DHCR24: variants seen among roughly 807,000 people sequenced by gnomAD.
The protein encoded by DHCR24 is delta(24)-sterol reductase.
In DHCR24, 28 loss-of-function variants were observed where a neutral mutation model predicts 61.2. The ratio of observed to expected loss-of-function variants is 0.46; its 90% CI spans 0.34 to 0.63. DHCR24 has a LOEUF of 0.63. DHCR24 is among the 20% of genes least tolerant of loss of function. The probability of loss-of-function intolerance (pLI) is 0.01; values close to 1 mark genes in which losing one functional copy is unlikely to be tolerated. For missense variants in DHCR24, 538 were observed against 679.1 expected, an observed-to-expected ratio of 0.79 and a Z score of 2.31; for synonymous variants, 261 against 275.9, an observed-to-expected ratio of 0.95 and a Z score of 0.54.
In DHCR24 at chr1:54,875,314, G is replaced by A. The variant is rs1164756612; in HGVS notation, c.494-103C>T. 4.1e-6 allele frequency: 4 copies of A among 982,768 alleles called. No homozygotes were observed. The African/African-American group carries it at 4.8e-5, about 12-fold the overall frequency. The allele number at this position is 982,768 out of a possible 1,614,324, so 60.9% of individuals were successfully genotyped here. A position where few individuals can be genotyped will look rare whatever the true frequency, so the allele number is the denominator to read the frequency against. Reference sequence around the variant, plus strand: ...TCCTAGCATGAGGGAGGTTTGGCAGGCTAGCAGAAATGGGGCTGTTGACTT... The same window carrying A: ...TCCTAGCATGAGGGAGGTTTGGCAGACTAGCAGAAATGGGGCTGTTGACTT... On this transcript the variant is annotated intron_variant, in intron 3 of 8. Coordinates refer to ENST00000371269, the MANE Select transcript of DHCR24 (RefSeq NM_014762.4).
rs1646871382 is a variant in DHCR24 at position 54,850,817 on chromosome 1, A to C, written c.*1416T>G. ...GAGGTCTTGTCTGTAGCGATGTGAC[A>C]GATGAGGAAACTGCAGCTCAGAGGA... On this transcript the variant is annotated 3_prime_UTR_variant, in exon 9 of 9. Transcript: ENST00000371269. 2 of 152,242 alleles carry C rather than the reference A, an allele frequency of 1.3e-5. No individual in the cohort carries two copies. The highest frequency in any genetic ancestry group is 1.3e-4 in the Admixed American group (2 of 15,278). 9.4% of individuals were successfully genotyped at this position (152,242 alleles called of 1,614,324 possible).
At chr1:54,872,240 C>T (rs961151488) in intron 4 of DHCR24, among the ~76,000 whole-genome samples, 2 of 152,198 alleles carry the variant, frequency 1.3e-5, no homozygotes, top group African/African-American at 2.4e-5. Context: ...CCTAACTCCC[C>T]GGCCAGCGTT....
chr1:54,858,195 T>C (rs1270140361), intron 6 of DHCR24, among the ~76,000 whole-genome samples: 1 of 152,272 alleles, frequency 6.6e-6, no homozygotes. Context: ...TGCTGACTGC[T>C]GACACTCAGG....
chr1:54,862,780 A>G (rs1646945638), intron 6 of DHCR24, among the ~76,000 whole-genome samples: 2 of 152,200 alleles, frequency 1.3e-5, no homozygotes, highest in South Asian at 4.1e-4. Flanking sequence ...CCATGTTTCA[A>G]ATGGCAGTCA....
At chr1:54,854,740 A>G (rs1402999897) in intron 6 of DHCR24, among the ~76,000 whole-genome samples, 1 of 152,204 alleles carries the variant, frequency 6.6e-6, no homozygotes, top group East Asian at 1.9e-4. Context: ...GGGTGGGTGC[A>G]GTCTGGCTCA....
intron 4 of DHCR24, 130 bp downstream of exon 4, chr1:54,874,963 G>A: frequency 1.2e-6 from 1 of 815,418 alleles, no homozygotes; most frequent in South Asian, 1.4e-5. Context: ...ACAAATTTTT[G>A]TTTACAGATA....
chr1:54,860,338 C>T (rs1033773460), intron 6 of DHCR24, among the ~76,000 whole-genome samples: 2 of 152,168 alleles, frequency 1.3e-5, no homozygotes, highest in African/African-American at 4.8e-5. Context: ...ATGGTCTGAC[C>T]TTAACAAAAC....
At chr1:54,864,957 C>G (rs17111142) in intron 6 of DHCR24, among the ~76,000 whole-genome samples, 12,775 of 152,218 alleles carry the variant, frequency 0.084, 676 homozygotes, top group Admixed American at 0.13. Context: ...CCACTTCCTA[C>G]TAATGTTCCT....
At chr1:54,868,213 G>A (rs922884154) in intron 5 of DHCR24, among the ~76,000 whole-genome samples, 2 of 152,200 alleles carry the variant, frequency 1.3e-5, no homozygotes, top group African/African-American at 2.4e-5. Flanking sequence ...GCTCACGCCC[G>A]TAATCCCAAC....
At chr1:54,865,581 G>T in intron 5 of DHCR24, 135 bp from the exon 6 acceptor site, 6 of 1,215,292 alleles carry the variant, frequency 4.9e-6, no homozygotes, top group Non-Finnish European at 7.1e-6. Context: ...CTGCCTTTGA[G>T]ACTCTTGAAA....
chr1:54,863,508 C>T (rs1230917236), intron 6 of DHCR24, among the ~76,000 whole-genome samples: 2 of 152,174 alleles, frequency 1.3e-5, no homozygotes, highest in Admixed American at 6.5e-5. Flanking sequence ...GTTTTTCAAA[C>T]ACATGCAGCC....
At chr1:54,875,403 C>A (rs898131097) in intron 3 of DHCR24, among the ~76,000 whole-genome samples, 192 bp from the exon 4 acceptor site, 2 of 152,064 alleles carry the variant, frequency 1.3e-5, no homozygotes, top group African/African-American at 2.4e-5. Flanking sequence ...CAGATGGGAG[C>A]ATGAGGGTGT....
chr1:54,865,267 C>G, intron 6 of DHCR24, 36 bp downstream of exon 6: 1 of 1,602,820 alleles, frequency 6.2e-7, no homozygotes, highest in South Asian at 1.1e-5. Flanking sequence ...CCCAGCTGGC[C>G]TGGAGGAGCC....
chr1:54,854,083 A>G lies in DHCR24; in HGVS notation c.1172T>C (p.Met391Thr). Residue 391 changes from methionine to threonine, a missense_variant, in exon 7 of 9, where the codon ATG becomes ACG. Physicochemically the swap from Met to Thr is moderately conservative, Grantham distance 81. Coordinates refer to ENST00000371269, the MANE Select transcript of DHCR24 (RefSeq NM_014762.4). The part of the protein sequence containing the change: ...HHVVQDMLVP[M>T]KCLQQALHTF... ...GTGCAGGGCCTGCTGCAGGCACTTC[A>G]TGGGCACCAGCATGTCCTGCACCAC... The G allele has an allele frequency of 6.2e-7, 1 of 1,613,930 alleles. No homozygotes were observed. The highest frequency in any genetic ancestry group is 8.5e-7 in the Non-Finnish European group (1 of 1,179,914).
chr1:54,876,066 A>T lies in DHCR24; in HGVS notation c.388-19T>A. On this transcript the variant is annotated intron_variant, in intron 2 of 8. Transcript: ENST00000371269. ...GGACAATCTGTTGACACAAGAAAAGAGACCCTGGGTCAAAAGGAGGCTGCC... is the reference window on the plus strand; with the variant it reads ...GGACAATCTGTTGACACAAGAAAAGTGACCCTGGGTCAAAAGGAGGCTGCC... 6.2e-7 allele frequency: 1 copy of T among 1,605,446 alleles called. No individual in the cohort carries two copies. Among genetic ancestry groups the T allele is most frequent in the South Asian group, 1.1e-5 (1 of 90,922 alleles).
intron 5 of DHCR24, among the ~76,000 whole-genome samples, chr1:54,868,355 AGC>A (rs1414150792): frequency 2.0e-5 from 3 of 152,110 alleles, no homozygotes; most frequent in African/African-American, 7.2e-5. Context: ...CTGTAGTCCC[AGC>A]TACTTGGGAG....
rs113092684 is a variant in DHCR24, at chr1:54,875,864, A to G, written c.493+78T>C. The stretch of plus-strand genomic sequence containing the variant: ...GGAATAGCGGCAATTCCAGGACTAG[A>G]TGGAGGGTGGCCAAGGCCCATCAGC... On this transcript the variant is annotated intron_variant, in intron 3 of 8. Transcript: ENST00000371269. 1.0e-4 allele frequency: 116 copies of G among 1,141,556 alleles called. No individual in the cohort carries two copies. In the African/African-American group the frequency reaches 1.5e-3, roughly 15 times the overall value. 70.7% of individuals were successfully genotyped at this position (1,141,556 alleles called of 1,614,324 possible).
chr1:54,865,469 G>A lies in DHCR24; in HGVS notation c.877-23C>T, dbSNP rs199714093. 8.0e-4 allele frequency: 1,286 copies of A among 1,613,562 alleles called. 1 individual carries two copies. The highest frequency in any genetic ancestry group is 1.0e-3 in the Non-Finnish European group (1,191 of 1,180,028). ...CAGCTGAAATGACAGAGGGCATTGT[G>A]ATCAGCCTGCAGACAAGCGCCCAGC... On this transcript the variant is annotated intron_variant, in intron 5 of 8. Coordinates refer to ENST00000371269, the MANE Select transcript of DHCR24 (RefSeq NM_014762.4).
intron 2 of DHCR24, among the ~76,000 whole-genome samples, chr1:54,879,213 G>A (rs1338024349): frequency 1.3e-5 from 2 of 151,554 alleles, no homozygotes; most frequent in African/African-American, 4.8e-5. Flanking sequence ...CAGCTACTCG[G>A]GAGGCTGTGA....
Sources: allele counts gnomAD v4.1 joint callset (sites outside exome capture counted in the v4.1 genomes callset), GRCh38; gene constraint gnomAD v4.1.1; transcripts MANE v1.5; gene names NCBI Gene and HGNC (gene_info 2026-07-23, HGNC 2026-07-21).